Variants in MGAM2 observed in about 807,000 individuals in gnomAD.
MGAM2 encodes the protein probable maltase-glucoamylase 2.
In MGAM2, 98 loss-of-function variants were observed where a neutral mutation model predicts 96.1. That is an observed-to-expected ratio of 1.02 (90% CI 0.87 to 1.21). MGAM2 has a LOEUF of 1.21. Ranked by LOEUF, MGAM2 falls within the 50% of genes most tolerant of loss-of-function variation. MGAM2 has a pLI of 0.00. For synonymous variants in MGAM2, 749 were observed against 414.8 expected (o/e 1.81, Z -9.79); for missense variants, 2,055 against 1,182.4 (o/e 1.74, Z -10.82).
intron 36 of MGAM2, among the ~76,000 whole-genome samples, chr7:142,188,417 G>A (rs2129096882): frequency 6.6e-6 from 1 of 152,100 alleles, no homozygotes; most frequent in Non-Finnish European, 1.5e-5. Context: ...CTTGAGACCA[G>A]CCTGGGCAAC....
At chr7:142,131,253 T>C (rs1044848451) in intron 4 of MGAM2, among the ~76,000 whole-genome samples, 182 bp downstream of exon 4, 1 of 152,044 alleles carries the variant, frequency 6.6e-6, no homozygotes, top group Non-Finnish European at 1.5e-5. Flanking sequence ...GCCTGACCAA[T>C]GTGGTGAAAC....
intron 3 of MGAM2, among the ~76,000 whole-genome samples, chr7:142,124,746 A>G (rs1449527772): frequency 6.6e-6 from 1 of 152,050 alleles, no homozygotes; most frequent in East Asian, 1.9e-4. Flanking sequence ...CTGAGATTTT[A>G]GTTTTGAAAT....
chr7:142,141,487 AT>A (rs891216025), intron 12 of MGAM2, among the ~76,000 whole-genome samples: 11 of 151,748 alleles, frequency 7.2e-5, no homozygotes, highest in African/African-American at 2.7e-4. Flanking sequence ...AATATATTTT[AT>A]TTTTTTTAAG....
At chr7:142,117,043 A>C (rs1284539829) in intron 2 of MGAM2, 64 bp downstream of exon 2, 1 of 700,228 alleles carries the variant, frequency 1.4e-6, no homozygotes, top group East Asian at 2.7e-5. Context: ...CGCCAAAGAG[A>C]TTATTTTATT....
At chr7:142,202,444 G>C (rs905794713) in intron 45 of MGAM2, among the ~76,000 whole-genome samples, 1 of 152,166 alleles carries the variant, frequency 6.6e-6, no homozygotes, top group Non-Finnish European at 1.5e-5. Context: ...CTAATGGGTA[G>C]TTTTTCAACC....
At chr7:142,125,041 G>T (rs539544387) in intron 3 of MGAM2, among the ~76,000 whole-genome samples, 13 of 152,112 alleles carry the variant, frequency 8.5e-5, no homozygotes, top group African/African-American at 2.9e-4. Context: ...TAACTCATAG[G>T]TTACAAGATT....
chr7:142,119,528 T>C (rs1446754607), intron 2 of MGAM2, among the ~76,000 whole-genome samples: 1 of 152,194 alleles, frequency 6.6e-6, no homozygotes, highest in Non-Finnish European at 1.5e-5. Context: ...GTTAACCACA[T>C]GACCTAACAA....
At chr7:142,147,851 C>A (rs1303214218) in intron 15 of MGAM2, among the ~76,000 whole-genome samples, 3 of 152,124 alleles carry the variant, frequency 2.0e-5, no homozygotes, top group Admixed American at 6.5e-5. Context: ...TAGAAGTCAG[C>A]TCTTGCTTGG....
intron 21 of MGAM2, among the ~76,000 whole-genome samples, chr7:142,160,516 T>C (rs540044091): frequency 2.6e-5 from 4 of 152,160 alleles, no homozygotes; most frequent in East Asian, 3.9e-4. Flanking sequence ...AAGTAATCAC[T>C]GAGGAGGATT....
intron 2 of MGAM2, among the ~76,000 whole-genome samples, chr7:142,120,046 G>T (rs143450497): frequency 6.6e-6 from 1 of 152,182 alleles, no homozygotes; most frequent in Non-Finnish European, 1.5e-5. Flanking sequence ...GAATTTTGTG[G>T]TATATAAATT....
Position 142,144,964 on chromosome 7 carries a change from G to A in MGAM2, c.1516+19G>A, listed in dbSNP as rs1231387761. On this transcript the variant is annotated intron_variant, in intron 14 of 47. Transcript: ENST00000477922. ...CTTCCTAGTAAGTTTTCACCTGTTT[G>A]CTATGACGTAGGAATAAGCCATGTT... The A allele has an allele frequency of 1.4e-6, 1 of 702,394 alleles. No homozygotes were observed. The highest frequency in any genetic ancestry group is 2.6e-6 in the Non-Finnish European group (1 of 384,736). 43.5% of individuals were successfully genotyped at this position (702,394 alleles called of 1,614,324 possible).
chr7:142,213,034 T>G (rs1340652543), intron 46 of MGAM2, among the ~76,000 whole-genome samples: 1 of 152,140 alleles, frequency 6.6e-6, no homozygotes, highest in Non-Finnish European at 1.5e-5. Context: ...AGAAACTCAC[T>G]CAAAACCACA....
Position 142,221,091 on chromosome 7 carries a change from A to G in MGAM2, c.6580A>G (p.Thr2194Ala), listed in dbSNP as rs1045070002. The G allele has an allele frequency of 1.3e-5, 9 of 702,460 alleles. No individual in the cohort carries two copies. Among genetic ancestry groups the G allele is most frequent in the Non-Finnish European group, 1.8e-5 (7 of 384,788 alleles). 43.5% of individuals were successfully genotyped at this position (702,460 alleles called of 1,614,324 possible). A position where few individuals can be genotyped will look rare whatever the true frequency, so the allele number is the denominator to read the frequency against. The change falls in exon 48 of 48, where the codon ACT becomes GCT. Residue 2194 changes from threonine to alanine, a missense_variant. Transcript: ENST00000477922. ...PSLANTGVDT[T>A]SNSFSIMTTS... The stretch of plus-strand genomic sequence containing the variant: ...TCTTGCAAATACTGGTGTTGACACT[A>G]CTAGCAACAGTTTTTCCATTATGAC...
chr7:142,201,065 CTTTTTCTTTTTTTTTTCTTTT>C (rs1242013033), intron 45 of MGAM2, among the ~76,000 whole-genome samples: 1 of 71,900 alleles, frequency 1.4e-5, no homozygotes, highest in Non-Finnish European at 3.0e-5. Context: ...AAATAACATC[CTTTTTCTTTTTTTTTTCTTTT>C]TTTTTTTTTT....
intron 15 of MGAM2, among the ~76,000 whole-genome samples, chr7:142,149,652 T>G (rs936015790): frequency 4.6e-5 from 7 of 151,846 alleles, no homozygotes; most frequent in Non-Finnish European, 1.0e-4. Context: ...GCCATTCTCC[T>G]GCCTCAGCCT....
At chr7:142,218,330 G>C (rs1797825896) in intron 46 of MGAM2, 31 bp from the exon 47 acceptor site, 1 of 646,304 alleles carries the variant, frequency 1.5e-6, no homozygotes, top group Non-Finnish European at 2.8e-6. Context: ...AATATGTTAT[G>C]TATTCTTTTC....
chr7:142,126,144 C>T (rs545082621), intron 3 of MGAM2, among the ~76,000 whole-genome samples: 2 of 152,030 alleles, frequency 1.3e-5, no homozygotes, highest in Admixed American at 6.5e-5. Context: ...ATATGATTTT[C>T]TTTTGTCAGT....
chr7:142,176,870 C>T (rs1248458021), intron 32 of MGAM2, among the ~76,000 whole-genome samples: 2 of 152,124 alleles, frequency 1.3e-5, no homozygotes, highest in African/African-American at 4.8e-5. Context: ...AACACCAATG[C>T]ATTCTTTTTC....
intron 26 of MGAM2, among the ~76,000 whole-genome samples, chr7:142,168,552 G>A (rs1379295833): frequency 4.6e-5 from 7 of 152,132 alleles, no homozygotes; most frequent in Non-Finnish European, 1.0e-4. Flanking sequence ...TTACAGGCGT[G>A]AGCCACCACG....
Sources: allele counts gnomAD v4.1 joint callset (sites outside exome capture counted in the v4.1 genomes callset), GRCh38; gene constraint gnomAD v4.1.1; transcripts MANE v1.5; gene names NCBI Gene and HGNC (gene_info 2026-07-23, HGNC 2026-07-21).